MBD5: variants seen among roughly 807,000 people sequenced by gnomAD.
The protein encoded by MBD5 is methyl-CpG binding domain protein 5.
In MBD5, 13 loss-of-function variants were observed where a neutral mutation model predicts 117.3. The ratio of observed to expected loss-of-function variants is 0.11; its 90% CI spans 0.07 to 0.18. The LOEUF (loss-of-function observed/expected upper bound fraction) is 0.18, where lower values mean the gene tolerates loss of function less well. Among genes scored for constraint, MBD5 ranks in the 10% least tolerant of loss-of-function variants. The pLI is 1.00. For missense variants in MBD5, 1,879 were observed against 2,093.8 expected, an observed-to-expected ratio of 0.90 and a Z score of 2.00; for synonymous variants, 727 against 766.4, an observed-to-expected ratio of 0.95 and a Z score of 0.85.
chr2:148,447,145 A>G (rs569394062), intron 4 of MBD5, among the ~76,000 whole-genome samples: 17 of 149,564 alleles, frequency 1.1e-4, no homozygotes, highest in African/African-American at 4.0e-4. Flanking sequence ...GAGAGAGAGA[A>G]AGAAAGAAGG....
At chr2:148,330,727 A>T (rs1007746304) in intron 3 of MBD5, 1 of 152,162 alleles carries the variant, frequency 6.6e-6, no homozygotes, top group African/African-American at 2.4e-5. Flanking sequence ...ATGTCCCAAG[A>T]TCAGTGTGGA....
chr2:148,050,131 T>G (rs960106073), intron 1 of MBD5, among the ~76,000 whole-genome samples: 1 of 152,170 alleles, frequency 6.6e-6, no homozygotes, highest in Non-Finnish European at 1.5e-5. Flanking sequence ...CAAACTGTTT[T>G]TCAAAGTAGC....
At chr2:148,406,107 A>G (rs1368321385) in intron 4 of MBD5, among the ~76,000 whole-genome samples, 2 of 152,110 alleles carry the variant, frequency 1.3e-5, no homozygotes, top group Admixed American at 6.6e-5. Context: ...AGGTGGGACA[A>G]TCACTTGAGC....
intron 4 of MBD5, among the ~76,000 whole-genome samples, chr2:148,428,398 A>G (rs1705876540): frequency 6.6e-6 from 1 of 152,234 alleles, no homozygotes; most frequent in African/African-American, 2.4e-5. Flanking sequence ...AAGAATCAGT[A>G]TCGTGAAAAT....
intron 3 of MBD5, among the ~76,000 whole-genome samples, chr2:148,318,136 G>C (rs1317922250): frequency 6.6e-6 from 1 of 151,870 alleles, no homozygotes; most frequent in Non-Finnish European, 1.5e-5. Flanking sequence ...TCACTTTTTA[G>C]TAATAGCCCT....
chr2:148,185,554 A>G (rs115779050), intron 2 of MBD5, among the ~76,000 whole-genome samples: 309 of 152,350 alleles, frequency 2.0e-3, no homozygotes, highest in African/African-American at 6.9e-3. Flanking sequence ...TTAAATAGAT[A>G]CATAGTCATG....
chr2:148,073,956 G>T (rs780585243), intron 1 of MBD5, among the ~76,000 whole-genome samples: 10 of 151,698 alleles, frequency 6.6e-5, no homozygotes, highest in Admixed American at 1.3e-4. Flanking sequence ...ACATAAAATT[G>T]TTGCCCCTGG....
intron 1 of MBD5, among the ~76,000 whole-genome samples, chr2:148,070,448 G>A (rs922299045): frequency 2.6e-5 from 4 of 152,128 alleles, no homozygotes; most frequent in African/African-American, 9.7e-5. Context: ...ATCATTAAGA[G>A]AGCCACTATA....
chr2:148,060,313 G>GA lies in MBD5; in HGVS notation c.-925+38634dup, dbSNP rs1393000719. 4.7e-5 allele frequency among the ~76,000 whole-genome samples: 7 copies of GA among 149,216 alleles called. No homozygotes were observed. In the East Asian group the frequency reaches 1.4e-3, roughly 30 times the overall value. On this transcript the variant is annotated intron_variant, in intron 1 of 13. Coordinates refer to ENST00000642680, the MANE Select transcript of MBD5 (RefSeq NM_001378120.1). ...TGACAGAGTGAGACCCTGTCTCAAA[G>GA]AAAAAGGAAAAGAAAAGTCTCACTG... is the stretch of plus-strand genomic sequence containing the variant.
At chr2:148,024,913 G>A (rs1029037230) in intron 1 of MBD5, 4 of 152,184 alleles carry the variant, frequency 2.6e-5, no homozygotes, top group Non-Finnish European at 4.4e-5. Flanking sequence ...TATAAAACAA[G>A]TGCTACTTAG....
At chr2:148,398,684 T>G in intron 4 of MBD5, among the ~76,000 whole-genome samples, 1 of 152,244 alleles carries the variant, frequency 6.6e-6, no homozygotes, top group Non-Finnish European at 1.5e-5. Context: ...ATTTTGGCTT[T>G]TGTTGCCATT....
intron 4 of MBD5, among the ~76,000 whole-genome samples, chr2:148,410,150 C>T (rs375806718): frequency 1.3e-5 from 2 of 152,078 alleles, no homozygotes; most frequent in Non-Finnish European, 2.9e-5. Context: ...ACAGTTTGTC[C>T]TTTTACCAGT....
chr2:148,327,158 A>T (rs1040242250), intron 3 of MBD5, among the ~76,000 whole-genome samples: 2 of 152,058 alleles, frequency 1.3e-5, no homozygotes, highest in African/African-American at 4.8e-5. Flanking sequence ...AATGTTGAAT[A>T]TTGGCCTGAA....
At chr2:148,295,801 G>T (rs902292768) in intron 3 of MBD5, 1 of 173,584 alleles carries the variant, frequency 5.8e-6, no homozygotes, top group Non-Finnish European at 1.2e-5. Context: ...ATCCCCTGAA[G>T]TGTTACACAG....
chr2:148,337,401 AAAT>A (rs1330650684), intron 3 of MBD5, among the ~76,000 whole-genome samples: 1 of 152,162 alleles, frequency 6.6e-6, no homozygotes, highest in Non-Finnish European at 1.5e-5. Flanking sequence ...GATGCTCTTA[AAAT>A]AATAAGGCAG....
chr2:148,290,971 A>G (rs751755602), intron 3 of MBD5, among the ~76,000 whole-genome samples: 7 of 152,206 alleles, frequency 4.6e-5, no homozygotes, highest in Non-Finnish European at 1.0e-4. Context: ...TTACAGTCCT[A>G]CCAAGAGTGT....
In MBD5 at chr2:148,053,436, A is replaced by G. The variant is rs371887306; in HGVS notation, c.-925+31752A>G. On this transcript the variant is annotated intron_variant, in intron 1 of 13. Coordinates refer to ENST00000642680, the MANE Select transcript of MBD5 (RefSeq NM_001378120.1). ...AAATAAATATCTATGAACCTGTAATACCATAATAATGAGAATATAAACATT... is the reference window on the plus strand; with the variant it reads ...AAATAAATATCTATGAACCTGTAATGCCATAATAATGAGAATATAAACATT... 5.3e-5 allele frequency among the ~76,000 whole-genome samples: 8 copies of G among 152,130 alleles called. No individual in the cohort carries two copies. The East Asian group carries it at 1.2e-3, about 22-fold the overall frequency.
At chr2:148,420,259 C>T (rs1045949724) in intron 4 of MBD5, among the ~76,000 whole-genome samples, 5 of 152,092 alleles carry the variant, frequency 3.3e-5, no homozygotes, top group African/African-American at 1.2e-4. Context: ...CTCCCTTATA[C>T]TCATACTGCA....
intron 2 of MBD5, among the ~76,000 whole-genome samples, chr2:148,187,322 A>C (rs538981393): frequency 6.6e-6 from 1 of 152,146 alleles, no homozygotes; most frequent in East Asian, 1.9e-4. Context: ...CCCAAAAAAA[A>C]AACCCAGCAC....
Sources: gnomAD v4.1 joint callset for allele counts (sites outside exome capture counted in the v4.1 genomes callset) on GRCh38, gnomAD v4.1.1 for gene constraint, MANE v1.5 for transcripts, NCBI Gene and HGNC (gene_info 2026-07-23, HGNC 2026-07-21) for gene names.